The following HDAC4 variants were observed in gnomAD, a reference collection of about 807,000 sequenced individuals.
HDAC4 encodes the protein histone deacetylase A.
A neutral mutation model predicts 135.1 loss-of-function variants in HDAC4; 16 were observed. That is an observed-to-expected ratio of 0.12 (90% confidence interval 0.08 to 0.18). HDAC4 has a LOEUF of 0.18. HDAC4 is among the 10% of genes least tolerant of loss of function. HDAC4 has a pLI of 1.00. For synonymous variants in HDAC4, 685 were observed against 653.4 expected, an observed-to-expected ratio of 1.05 and a Z score of -0.74; for missense variants, 1,143 against 1,511.8, an observed-to-expected ratio of 0.76 and a Z score of 4.05.
intron 1 of HDAC4, among the ~76,000 whole-genome samples, chr2:239,366,955 A>C (rs774733967): frequency 7.1e-6 from 1 of 140,922 alleles, no homozygotes; most frequent in Non-Finnish European, 1.5e-5. Flanking sequence ...AGCTTCACCA[A>C]CAACGGGCCT....
chr2:239,179,919 C>A (rs972275676), intron 4 of HDAC4, among the ~76,000 whole-genome samples: 1 of 152,246 alleles, frequency 6.6e-6, no homozygotes. Flanking sequence ...TGCTTGTGCA[C>A]CCAAGTGTGC....
Position 239,115,240 on chromosome 2 carries a change from C to A in HDAC4, c.1604G>T (p.Arg535Leu). 1 of 1,612,732 alleles carries A rather than the reference C, an allele frequency of 6.2e-7. No individual in the cohort carries two copies. Among genetic ancestry groups the A allele is most frequent in the Non-Finnish European group, 8.5e-7 (1 of 1,179,672 alleles). Residue 535 changes from arginine (R) to leucine (L), a missense_variant, in exon 13 of 27, where the codon CGT becomes CTT. By Grantham distance (102) the Arg-to-Leu change is moderately radical (BLOSUM62 -2). Around this residue, in one of 9 missense-constraint regions of HDAC4, gnomAD observed 196 missense variants for 210.7 expected, o/e 0.93. Transcript: ENST00000543185. This position sits in a 1 kb window ranked among gnomAD's most constrained non-coding sequence, Gnocchi z 6.3. Reference sequence around the variant, plus strand: ...CTCGTCCAGCAGAGCCTGGTGCTCACGGAGCTCCTCCTCCGTCTCCTCCGG... The same window carrying A: ...CTCGTCCAGCAGAGCCTGGTGCTCAAGGAGCTCCTCCTCCGTCTCCTCCGG... ...SHPEETEEEL[R>L]EHQALLDEPY... is the part of the protein sequence containing the mutation.
chr2:239,130,390 A>G (rs1575133104), intron 11 of HDAC4, among the ~76,000 whole-genome samples: 1 of 152,082 alleles, frequency 6.6e-6, no homozygotes, highest in Non-Finnish European at 1.5e-5. Context: ...AGCCAGGGGC[A>G]CCCTCCACTC....
rs1302120700 is a variant in HDAC4, at chr2:239,111,719, G to A, written c.1792-7C>T. ...GCTCCAGCAGGAGGGCTTGCTGCGG[G>A]GAAGAAACGGCCGTGTTGGCGGTTG... On this transcript the variant is annotated splice_polypyrimidine_tract_variant and splice_region_variant and intron_variant, in intron 13 of 26. Coordinates refer to ENST00000543185, the MANE Select transcript of HDAC4 (RefSeq NM_001378414.1). The A allele has an allele frequency of 1.9e-6, 3 of 1,589,308 alleles. No individual in the cohort carries two copies. The Admixed American group carries it at 5.3e-5, about 28-fold the overall frequency.
chr2:239,102,933 C>T (rs751423150), intron 15 of HDAC4, 37 bp from the exon 16 acceptor site: 5 of 1,613,134 alleles, frequency 3.1e-6, no homozygotes, highest in African/African-American at 2.7e-5. Flanking sequence ...ACACGTTCTG[C>T]AGAAGCTGCT....
intron 19 of HDAC4, 60 bp from the exon 20 acceptor site, chr2:239,084,302 C>T (rs112278784): frequency 5.2e-5 from 65 of 1,247,576 alleles, no homozygotes; most frequent in Non-Finnish European, 6.4e-5. Context: ...AGTTTCTCCA[C>T]GGCCCGCCAG....
intron 13 of HDAC4, among the ~76,000 whole-genome samples, chr2:239,113,313 A>AGTGGGAGGAGCT (rs1224604962): frequency 1.3e-5 from 2 of 152,166 alleles, no homozygotes; most frequent in Admixed American, 6.6e-5. Context: ...GCCCTGAGAC[A>AGTGGGAGGAGCT]GTGGGAGGAG....
intron 3 of HDAC4, among the ~76,000 whole-genome samples, chr2:239,230,320 C>T (rs2047469297): frequency 7.6e-6 from 1 of 131,182 alleles, no homozygotes. Context: ...GATGTCTTTA[C>T]ATTCTACACT....
rs1049966911 is a variant in HDAC4, at chr2:239,245,571, C to T, written c.23-8907G>A. 2.0e-5 allele frequency among the ~76,000 whole-genome samples: 3 copies of T among 152,100 alleles called. No individual in the cohort carries two copies. Among genetic ancestry groups the T allele is most frequent in the Non-Finnish European group, 4.4e-5 (3 of 68,012 alleles). ...AAGTATTTAAGGGATGGTGCTGTGG[C>T]CTCTGAGATCGGTTTTAAATTCTCC... is the stretch of plus-strand genomic sequence containing the variant. On this transcript the variant is annotated intron_variant, in intron 2 of 26. Transcript: ENST00000543185. The surrounding 1 kb of genome is among the most constrained non-coding windows in gnomAD (Gnocchi z 4.4).
intron 2 of HDAC4, among the ~76,000 whole-genome samples, chr2:239,332,739 T>C (rs546822670): frequency 8.6e-5 from 13 of 151,926 alleles, no homozygotes; most frequent in Non-Finnish European, 1.3e-4. Flanking sequence ...AACAGAAATT[T>C]ATTTTTTTAA....
At chr2:239,159,170 A>G (rs1377215263) in intron 6 of HDAC4, among the ~76,000 whole-genome samples, 1 of 144,944 alleles carries the variant, frequency 6.9e-6, no homozygotes. Flanking sequence ...CCTCACTACT[A>G]CTCGCCCCCA....
At chr2:239,201,224 T>A (rs1183633875) in intron 3 of HDAC4, among the ~76,000 whole-genome samples, 3 of 152,138 alleles carry the variant, frequency 2.0e-5, no homozygotes, top group Non-Finnish European at 4.4e-5. Context: ...CTGGTCTTGC[T>A]GGAAACATCA....
intron 3 of HDAC4, among the ~76,000 whole-genome samples, chr2:239,230,368 C>CAAAAAAAAAAAAAAAAAAAAAACA (rs56105562): frequency 2.5e-5 from 2 of 79,394 alleles, no homozygotes; most frequent in Non-Finnish European, 4.6e-5. Flanking sequence ...AGCAAGCAAG[C>CAAAAAAAAAAAAAAAAAAAAAACA]AAAAAAAAAA....
At chr2:239,196,618 A>C (rs979869524) in intron 3 of HDAC4, among the ~76,000 whole-genome samples, 1 of 152,194 alleles carries the variant, frequency 6.6e-6, no homozygotes, top group Non-Finnish European at 1.5e-5. Context: ...GGGTGAAGCC[A>C]CGGGTGACCC....
intron 1 of HDAC4, among the ~76,000 whole-genome samples, chr2:239,368,608 C>A (rs879422916): frequency 6.6e-6 from 1 of 152,094 alleles, no homozygotes; most frequent in Non-Finnish European, 1.5e-5. Context: ...AGGAGAGGGG[C>A]ACAGGCTGTT....
At chr2:239,176,086 C>T (rs1004431317) in intron 5 of HDAC4, among the ~76,000 whole-genome samples, 1 of 152,144 alleles carries the variant, frequency 6.6e-6, no homozygotes, top group African/African-American at 2.4e-5. Context: ...GCCCCTAGAT[C>T]TTTCCCTACT....
intron 2 of HDAC4, among the ~76,000 whole-genome samples, chr2:239,302,861 C>CTG (rs2052349334): frequency 6.6e-6 from 1 of 152,240 alleles, no homozygotes; most frequent in South Asian, 2.1e-4. Flanking sequence ...AAGTTAGGCT[C>CTG]TCACCCATAG....
intron 16 of HDAC4, among the ~76,000 whole-genome samples, chr2:239,101,529 C>A (rs1428771510): frequency 6.6e-6 from 1 of 152,184 alleles, no homozygotes; most frequent in Non-Finnish European, 1.5e-5. Context: ...CTCCTTGCCC[C>A]TGCAACCCCT....
chr2:239,384,365 G>A (rs1695636793), intron 1 of HDAC4, among the ~76,000 whole-genome samples: 1 of 148,598 alleles, frequency 6.7e-6, no homozygotes, highest in African/African-American at 2.5e-5. Flanking sequence ...TGTAATCCCA[G>A]AACTTTAGGT....
Sources: allele counts gnomAD v4.1 joint callset (sites outside exome capture counted in the v4.1 genomes callset), GRCh38; gene constraint gnomAD v4.1.1; regional missense constraint gnomAD v4.1.1; non-coding constraint Gnocchi (gnomAD v3.1); transcripts MANE v1.5; gene names NCBI Gene and HGNC (gene_info 2026-07-23, HGNC 2026-07-21).